APCDD1: variants seen among roughly 807,000 people sequenced by gnomAD.
The protein encoded by APCDD1 is APC down-regulated 1.
APCDD1 carries 15 observed loss-of-function variants against 38.1 expected under a neutral mutation model. The ratio of observed to expected loss-of-function variants is 0.39; its 90% CI spans 0.26 to 0.61. The LOEUF is 0.61. Among genes scored for constraint, APCDD1 ranks in the 20% least tolerant of loss-of-function variants. The pLI, the probability that APCDD1 is intolerant of heterozygous loss-of-function variation, is 0.49. For synonymous variants in APCDD1, 261 were observed against 279.7 expected, an observed-to-expected ratio of 0.93 and a Z score of 0.67; for missense variants, 647 against 696.2, an observed-to-expected ratio of 0.93 and a Z score of 0.79.
rs1022468834 is a variant in APCDD1 at position 10,475,983 on chromosome 18, G to A, written c.774+3922G>A. Reference sequence around the variant, plus strand: ...CAGCCATTGGTGTCTTTCCAGACCCGGGCACCAGAAAGACTGGGCACTGTG... The same window carrying A: ...CAGCCATTGGTGTCTTTCCAGACCCAGGCACCAGAAAGACTGGGCACTGTG... On this transcript the variant is annotated intron_variant, in intron 3 of 4. Coordinates refer to ENST00000355285, the MANE Select transcript of APCDD1 (RefSeq NM_153000.5). The surrounding 1 kb of genome is among the most constrained non-coding windows in gnomAD (Gnocchi z 4.0). 2.0e-5 allele frequency: 3 copies of A among 152,236 alleles called. No individual in the cohort carries two copies. The highest frequency in any genetic ancestry group is 4.4e-5 in the Non-Finnish European group (3 of 68,070). 9.4% of individuals were successfully genotyped at this position (152,236 alleles called of 1,614,324 possible). A position where few individuals can be genotyped will look rare whatever the true frequency, so the allele number is the denominator to read the frequency against.
chr18:10,488,172 T>C lies in APCDD1; in HGVS notation c.*134T>C, dbSNP rs2031292100. 9.0e-7 allele frequency: 1 copy of C among 1,107,724 alleles called. No individual in the cohort carries two copies. The highest frequency in any genetic ancestry group is 1.6e-5 in the African/African-American group (1 of 63,492). 68.6% of individuals were successfully genotyped at this position (1,107,724 alleles called of 1,614,324 possible). ...ACTGTCCTTCTTTTTCTCCTCTCCC[T>C]CCCTCCCAGCCCCTGAGTCATGAAC... On this transcript the variant is annotated 3_prime_UTR_variant, in exon 5 of 5. Coordinates refer to ENST00000355285, the MANE Select transcript of APCDD1 (RefSeq NM_153000.5).
At chr18:10,483,692 G>A (rs143300686) in intron 3 of APCDD1, among the ~76,000 whole-genome samples, 2 of 152,204 alleles carry the variant, frequency 1.3e-5, no homozygotes, top group African/African-American at 4.8e-5. Context: ...GTCAGTGGGT[G>A]CCCCTCAGCC....
Position 10,476,723 on chromosome 18 carries a change from C to T in APCDD1, c.774+4662C>T, listed in dbSNP as rs1469566110. 2 of 152,196 alleles carry T rather than the reference C, an allele frequency of 1.3e-5. No individual in the cohort carries two copies. Among genetic ancestry groups the T allele is most frequent in the Non-Finnish European group, 2.9e-5 (2 of 68,040 alleles). 9.4% of individuals were successfully genotyped at this position (152,196 alleles called of 1,614,324 possible). A position where few individuals can be genotyped will look rare whatever the true frequency, so the allele number is the denominator to read the frequency against. ...CTGTCTGAAAACCAGACAGCCTTCC[C>T]CAGGCTGTGCATCTGAAATACTCGA... On this transcript the variant is annotated intron_variant, in intron 3 of 4. Transcript: ENST00000355285. This position sits in a 1 kb window ranked among gnomAD's most constrained non-coding sequence, Gnocchi z 5.8.
At chr18:10,460,390 G>T (rs2030504323) in intron 1 of APCDD1, among the ~76,000 whole-genome samples, 1 of 152,092 alleles carries the variant, frequency 6.6e-6, no homozygotes, top group South Asian at 2.1e-4. Context: ...AATATCACCT[G>T]GGTGTGGTGG....
rs563941362 is a variant in APCDD1 at position 10,457,136 on chromosome 18, CAG to C, written c.58+2102_58+2103del. On this transcript the variant is annotated intron_variant, in intron 1 of 4. Coordinates refer to ENST00000355285, the MANE Select transcript of APCDD1 (RefSeq NM_153000.5). ...TGCTCAAAGGTCTACTTAGATCCAGCAGAGAGTATCAGACTCTAGTGCAGAAA... is the reference window on the plus strand; with the variant it reads ...TGCTCAAAGGTCTACTTAGATCCAGCAGAGTATCAGACTCTAGTGCAGAAA... Among the ~76,000 whole-genome samples, 35 of 152,314 alleles carry C rather than the reference CAG, an allele frequency of 2.3e-4. No individual in the cohort carries two copies. In the East Asian group the frequency reaches 6.4e-3, roughly 28 times the overall value.
rs1762925139 is a variant in APCDD1, at chr18:10,467,384, T to C, written c.59-1085T>C. 6.6e-6 allele frequency among the ~76,000 whole-genome samples: 1 copy of C among 152,260 alleles called. No individual in the cohort carries two copies. Among genetic ancestry groups the C allele is most frequent in the South Asian group, 2.1e-4 (1 of 4,838 alleles). ...TTTAAAAAAAGTTTGTACAGTTGTC[T>C]AACTAGTGTCTTTTCTGCTAACACA... is the stretch of plus-strand genomic sequence containing the variant. On this transcript the variant is annotated intron_variant, in intron 1 of 4. Coordinates refer to ENST00000355285, the MANE Select transcript of APCDD1 (RefSeq NM_153000.5). This position sits in a 1 kb window ranked among gnomAD's most constrained non-coding sequence, Gnocchi z 4.8.
At chr18:10,481,393 G>A (rs2031132983) in intron 3 of APCDD1, among the ~76,000 whole-genome samples, 3 of 152,130 alleles carry the variant, frequency 2.0e-5, no homozygotes, top group Non-Finnish European at 4.4e-5. Flanking sequence ...TTACAACATC[G>A]ATAAAACTTG....
At position 10,487,930 on chromosome 18, in the gene APCDD1, C is replaced by G; in HGVS notation, c.1437C>G (p.Asp479Glu). 1 of 1,613,394 alleles carries G rather than the reference C, an allele frequency of 6.2e-7. No homozygotes were observed. Among genetic ancestry groups the G allele is most frequent in the Non-Finnish European group, 8.5e-7 (1 of 1,179,788 alleles). Residue 479 changes from aspartate (D) to glutamate (E), a missense_variant, in exon 5 of 5, where the codon GAC becomes GAG. Asp to Glu is a conservative substitution (Grantham distance 45). Transcript: ENST00000355285. ...CGAGGGCAGAGGACCTCGCAGAAGA[C>G]AGTGGAAGCAGCCTGTATGGCCGGG... is the stretch of plus-strand genomic sequence containing the variant. The part of the protein sequence containing the change: ...SSPRAEDLAE[D>E]SGSSLYGRAP...
rs1432479914 is a variant in APCDD1 at position 10,464,343 on chromosome 18, C to CACACACACACAG, written c.59-4125_59-4124insCACACACACAGA. 2.7e-4 allele frequency among the ~76,000 whole-genome samples: 40 copies of CACACACACACAG among 149,516 alleles called. 1 individual carries two copies. In the East Asian group the frequency reaches 4.8e-3, roughly 18 times the overall value. On this transcript the variant is annotated intron_variant, in intron 1 of 4. Transcript: ENST00000355285. ...ACACACACACACACACACACACACACAGACACACACACACAAAAACATCTT... is the reference window on the plus strand; with the variant it reads ...ACACACACACACACACACACACACACACACACACACAGAGACACACACACACAAAAACATCTT...
chr18:10,464,701 A>G (rs2030663832), intron 1 of APCDD1, among the ~76,000 whole-genome samples: 1 of 152,052 alleles, frequency 6.6e-6, no homozygotes, highest in African/African-American at 2.4e-5. Context: ...GATTACAGGC[A>G]TGAGCCACTG....
At chr18:10,458,437 T>A (rs1175306868) in intron 1 of APCDD1, among the ~76,000 whole-genome samples, 3 of 152,168 alleles carry the variant, frequency 2.0e-5, no homozygotes, top group African/African-American at 7.2e-5. Context: ...CTAAGGACAG[T>A]TTTTGTGACC....
intron 2 of APCDD1, 97 bp downstream of exon 2, chr18:10,468,749 A>G (rs2030780440): frequency 1.6e-5 from 21 of 1,287,626 alleles, no homozygotes; most frequent in Non-Finnish European, 2.2e-5. Flanking sequence ...TATATCATTT[A>G]CAATGATTTA....
At position 10,487,818 on chromosome 18, in the gene APCDD1, G is replaced by T; in HGVS notation, c.1325G>T (p.Arg442Met). 1 of 1,614,066 alleles carries T rather than the reference G, an allele frequency of 6.2e-7. No homozygotes were observed. Among genetic ancestry groups the T allele is most frequent in the Non-Finnish European group, 8.5e-7 (1 of 1,180,044 alleles). Residue 442 changes from arginine to methionine, a missense_variant, in exon 5 of 5, where the codon AGG becomes ATG. By Grantham distance (91) the Arg-to-Met change is moderately conservative. Transcript: ENST00000355285. ...CGCTATCTGCTGTTCAACGGTCAGA[G>T]GCCCAGCGACGGGTCCAGCCCAGAC... Reference protein sequence around the residue: ...RGRYLLFNGQRPSDGSSPDRP... With the variant: ...RGRYLLFNGQMPSDGSSPDRP...
At chr18:10,459,097 T>G (rs757024552) in intron 1 of APCDD1, among the ~76,000 whole-genome samples, 7 of 152,212 alleles carry the variant, frequency 4.6e-5, no homozygotes, top group Non-Finnish European at 1.0e-4. Context: ...CAGCTAACCA[T>G]TTATTCAGAA....
intron 3 of APCDD1, among the ~76,000 whole-genome samples, chr18:10,479,792 A>G (rs1189151450): frequency 6.6e-6 from 1 of 152,174 alleles, no homozygotes; most frequent in Non-Finnish European, 1.5e-5. Flanking sequence ...AGACTCGAAT[A>G]TCCTGTAAAT....
At chr18:10,468,921 C>CT (rs1210665239) in intron 2 of APCDD1, among the ~76,000 whole-genome samples, 2 of 152,226 alleles carry the variant, frequency 1.3e-5, no homozygotes, top group African/African-American at 4.8e-5. Context: ...TTACTGAACT[C>CT]TATGGGACCA....
intron 1 of APCDD1, among the ~76,000 whole-genome samples, chr18:10,458,475 T>C (rs1409346620): frequency 6.6e-6 from 1 of 152,196 alleles, no homozygotes; most frequent in Non-Finnish European, 1.5e-5. Context: ...TGCACTTTTT[T>C]CCCTCCTCTT....
chr18:10,485,394 G>A lies in APCDD1; in HGVS notation c.775-68G>A, dbSNP rs112798412. On this transcript the variant is annotated intron_variant, in intron 3 of 4. Transcript: ENST00000355285. This position sits in a 1 kb window ranked among gnomAD's most constrained non-coding sequence, Gnocchi z 5.8. ...GGTGCCTGGTGAGACCCCATTTGCC[G>A]GAAGCATGTGTGCACTGCTCCCTTG... The A allele has an allele frequency of 7.7e-5, 121 of 1,574,228 alleles. No homozygotes were observed. Among genetic ancestry groups the A allele is most frequent in the Middle Eastern group, 1.7e-4 (1 of 5,996 alleles).
At chr18:10,461,918 C>CT (rs2030552480) in intron 1 of APCDD1, among the ~76,000 whole-genome samples, 1 of 152,134 alleles carries the variant, frequency 6.6e-6, no homozygotes, top group Non-Finnish European at 1.5e-5. Context: ...CTTGTTTTAT[C>CT]TGTAAAATAA....
Sources: allele counts gnomAD v4.1 joint callset (sites outside exome capture counted in the v4.1 genomes callset), GRCh38; gene constraint gnomAD v4.1.1; non-coding constraint Gnocchi (gnomAD v3.1); transcripts MANE v1.5; gene names NCBI Gene and HGNC (gene_info 2026-07-23, HGNC 2026-07-21).